The following RPUSD4 variants were observed in gnomAD, a reference collection of about 807,000 sequenced individuals.
RPUSD4 encodes the protein RNA pseudouridine synthase D4.
RPUSD4 carries 37 observed loss-of-function variants against 35.4 expected under a neutral mutation model. That is an observed-to-expected ratio of 1.04 (90% confidence interval 0.80 to 1.37). RPUSD4 has a LOEUF of 1.37. Ranked by LOEUF, RPUSD4 falls within the 40% of genes most tolerant of loss-of-function variation. The pLI is 0.00. For missense variants in RPUSD4, 507 were observed against 484.9 expected (o/e 1.05, Z -0.43); for synonymous variants, 210 against 192.7 (o/e 1.09, Z -0.74).
At chr11:126,205,227 A>T (rs1949758463) in intron 5 of RPUSD4, among the ~76,000 whole-genome samples, 1 of 152,212 alleles carries the variant, frequency 6.6e-6, no homozygotes, top group African/African-American at 2.4e-5. Flanking sequence ...TGGATCTTAC[A>T]ATAATTCTGT....
rs1469315129 is a variant in RPUSD4, at chr11:126,202,599, A to G, written c.*819T>C. On this transcript the variant is annotated 3_prime_UTR_variant, in exon 7 of 7. Transcript: ENST00000298317. ...CATTAAACATAGACTGCAAACTGCT[A>G]GCCTGTAGACCAAATTCAACCTCTA... is the stretch of plus-strand genomic sequence containing the variant. The G allele has an allele frequency of 6.6e-6, 1 of 152,264 alleles. No homozygotes were observed. The highest frequency in any genetic ancestry group is 2.4e-5 in the African/African-American group (1 of 41,466). 9.4% of individuals were successfully genotyped at this position (152,264 alleles called of 1,614,324 possible). A position where few individuals can be genotyped will look rare whatever the true frequency, so the allele number is the denominator to read the frequency against.
chr11:126,210,444 T>C (rs751402192), intron 2 of RPUSD4, among the ~76,000 whole-genome samples: 2 of 152,058 alleles, frequency 1.3e-5, no homozygotes, highest in Non-Finnish European at 2.9e-5. Context: ...ACATGCAACA[T>C]CTGTTGAAAG....
chr11:126,210,844 C>A (rs1470463543), intron 2 of RPUSD4, 46 bp downstream of exon 2: 15 of 1,565,698 alleles, frequency 9.6e-6, no homozygotes, highest in Non-Finnish European at 1.3e-5. Flanking sequence ...TCGGTTGTAG[C>A]AGAAAGCAGC....
intron 3 of RPUSD4, among the ~76,000 whole-genome samples, chr11:126,208,434 C>G (rs150072658): frequency 6.6e-6 from 1 of 152,122 alleles, no homozygotes; most frequent in Non-Finnish European, 1.5e-5. Context: ...TATATATGCT[C>G]GATAACTCTG....
At position 126,203,559 on chromosome 11, in the gene RPUSD4, G is replaced by A; in HGVS notation, c.993C>T (p.Ala331=). 1 of 1,614,200 alleles carries A rather than the reference G, an allele frequency of 6.2e-7. No individual in the cohort carries two copies. Among genetic ancestry groups the A allele is most frequent in the Non-Finnish European group, 8.5e-7 (1 of 1,180,046 alleles). ...HLHARQLILP[A]LGSGKEELNL... The stretch of plus-strand genomic sequence containing the variant: ...TGAGTTCCTCCTTCCCGGACCCCAG[G>A]GCAGGCAGGATCAGCTGCCGGGCGT... Residue 331 remains alanine (A), a synonymous_variant, in exon 7 of 7, where the codon GCC becomes GCT. Transcript: ENST00000298317.
intron 5 of RPUSD4, 42 bp from the exon 6 acceptor site, chr11:126,204,370 A>G: frequency 1.4e-6 from 2 of 1,470,202 alleles, no homozygotes; most frequent in Non-Finnish European, 1.9e-6. Flanking sequence ...ACTCGTGAGG[A>G]GCTACAGAAA....
chr11:126,206,098 T>TACC (rs1176746309), intron 3 of RPUSD4: 1 of 205,320 alleles, frequency 4.9e-6, no homozygotes, highest in Non-Finnish European at 9.6e-6. Flanking sequence ...ATTATGGTAA[T>TACC]ATAGTTTTGT....
Position 126,202,493 on chromosome 11 carries a change from T to C in RPUSD4, c.*925A>G, listed in dbSNP as rs899367107. The C allele has an allele frequency of 6.6e-6, 1 of 152,224 alleles. No individual in the cohort carries two copies. Among genetic ancestry groups the C allele is most frequent in the African/African-American group, 2.4e-5 (1 of 41,454 alleles). The allele number at this position is 152,224 out of a possible 1,614,324, so 9.4% of individuals were successfully genotyped here. Reference sequence around the variant, plus strand: ...AAGCCATCTCCAAGCCTAGAAAGGATACATACTACACGCAGCGAAAATGCC... The same window carrying C: ...AAGCCATCTCCAAGCCTAGAAAGGACACATACTACACGCAGCGAAAATGCC... On this transcript the variant is annotated 3_prime_UTR_variant, in exon 7 of 7. Transcript: ENST00000298317.
At position 126,202,583 on chromosome 11, in the gene RPUSD4, T is replaced by C. The variant is rs969269209; in HGVS notation, c.*835A>G. On this transcript the variant is annotated 3_prime_UTR_variant, in exon 7 of 7. Coordinates refer to ENST00000298317, the MANE Select transcript of RPUSD4 (RefSeq NM_032795.3). ...AAACTTCTATACCATTCATTAAACA[T>C]AGACTGCAAACTGCTAGCCTGTAGA... The C allele has an allele frequency of 3.9e-5, 6 of 152,272 alleles. No individual in the cohort carries two copies. The highest frequency in any genetic ancestry group is 5.9e-5 in the Non-Finnish European group (4 of 68,054). The allele number at this position is 152,272 out of a possible 1,614,324, so 9.4% of individuals were successfully genotyped here.
chr11:126,204,461 A>G, intron 5 of RPUSD4, 133 bp from the exon 6 acceptor site: 1 of 614,718 alleles, frequency 1.6e-6, no homozygotes, highest in Non-Finnish European at 2.8e-6. Flanking sequence ...ATAATAAAGT[A>G]TAACGAATAA....
At chr11:126,210,753 TA>T in intron 2 of RPUSD4, 136 bp downstream of exon 2, 1 of 721,570 alleles carries the variant, frequency 1.4e-6, no homozygotes, top group South Asian at 2.2e-5. Flanking sequence ...TGGTTCCTTA[TA>T]TTGGACGGTA....
In RPUSD4 at chr11:126,206,717, T is replaced by C. The variant is rs561063109; in HGVS notation, c.558-936A>G. Among the ~76,000 whole-genome samples, 432 of 152,340 alleles carry C rather than the reference T, an allele frequency of 2.8e-3. 3 individuals carry two copies. The highest frequency in any genetic ancestry group is 2.2e-3 in the Non-Finnish European group (148 of 68,032). On this transcript the variant is annotated intron_variant, in intron 3 of 6. Transcript: ENST00000298317. Reference sequence around the variant, plus strand: ...ATTTATGCCTCTTTCAGGTCAATGATGGAAAAGTCCATCTGGGTACCTGGT... The same window carrying C: ...ATTTATGCCTCTTTCAGGTCAATGACGGAAAAGTCCATCTGGGTACCTGGT...
chr11:126,204,104 T>C (rs1949742640), intron 6 of RPUSD4, 127 bp downstream of exon 6: 1 of 748,970 alleles, frequency 1.3e-6, no homozygotes, highest in Non-Finnish European at 2.3e-6. Flanking sequence ...AAAATCAAGA[T>C]AATGAGCTTG....
intron 3 of RPUSD4, chr11:126,208,912 T>A (rs1221751937): frequency 3.3e-5 from 5 of 152,284 alleles, no homozygotes; most frequent in Non-Finnish European, 5.9e-5. Flanking sequence ...GGGTGGATTC[T>A]CCAGGAGTTT....
At chr11:126,207,871 A>G (rs1949789250) in intron 3 of RPUSD4, among the ~76,000 whole-genome samples, 1 of 152,170 alleles carries the variant, frequency 6.6e-6, no homozygotes, top group Non-Finnish European at 1.5e-5. Flanking sequence ...TCTTAAATAA[A>G]AAAAAATAAT....
rs1949856771 is a variant in RPUSD4, at chr11:126,211,017, T to C, written c.228A>G (p.Ile76Met). 3.1e-6 allele frequency: 5 copies of C among 1,613,934 alleles called. No individual in the cohort carries two copies. The highest frequency in any genetic ancestry group is 3.3e-5 in the Admixed American group (2 of 60,006). The change falls in exon 2 of 7, where the codon ATA becomes ATG. Residue 76 changes from isoleucine to methionine, a missense_variant. Coordinates refer to ENST00000298317, the MANE Select transcript of RPUSD4 (RefSeq NM_032795.3). ...GCTGCAGCTGCCGTGTGAACCGCAC[T>C]ATTTCTTGCACTCTCCGCTGAACAG... ...TNAVQRRVQE[I>M]VRFTRQLQRV...
chr11:126,211,110 A>C (rs1591492361), intron 1 of RPUSD4, 55 bp from the exon 2 acceptor site: 1 of 1,587,594 alleles, frequency 6.3e-7, no homozygotes. Flanking sequence ...CGTGGAGAAG[A>C]CCTTCCATAA....
Position 126,203,349 on chromosome 11 carries a change from G to A in RPUSD4, c.*69C>T. 5 of 1,575,020 alleles carry A rather than the reference G, an allele frequency of 3.2e-6. No individual in the cohort carries two copies. The highest frequency in any genetic ancestry group is 1.4e-5 in the African/African-American group (1 of 70,774). On this transcript the variant is annotated 3_prime_UTR_variant, in exon 7 of 7. Transcript: ENST00000298317. The stretch of plus-strand genomic sequence containing the variant: ...AAGAACAGTTCAGGGGCCAACCTGC[G>A]CTCCCAGGTGCCAGGATGCTCTCAG...
intron 3 of RPUSD4, among the ~76,000 whole-genome samples, chr11:126,208,047 A>G (rs956350303): frequency 1.3e-5 from 2 of 151,902 alleles, no homozygotes; most frequent in Non-Finnish European, 2.9e-5. Flanking sequence ...AACTTATCAC[A>G]GTGGCAAACC....
Sources: gnomAD v4.1 joint callset for allele counts (sites outside exome capture counted in the v4.1 genomes callset) on GRCh38, gnomAD v4.1.1 for gene constraint, MANE v1.5 for transcripts, NCBI Gene and HGNC (gene_info 2026-07-23, HGNC 2026-07-21) for gene names.